MOB3B: variants seen among roughly 807,000 people sequenced by gnomAD.
MOB3B encodes the protein MOB kinase activator 3B.
A neutral mutation model predicts 18.7 loss-of-function variants in MOB3B; 7 were observed. That is an observed-to-expected ratio of 0.37 (90% confidence interval 0.21 to 0.70). MOB3B has a LOEUF of 0.70. MOB3B is among the 30% of genes least tolerant of loss of function. The probability of loss-of-function intolerance (pLI) is 0.52; values close to 1 mark genes in which losing one functional copy is unlikely to be tolerated. For synonymous variants in MOB3B, 111 were observed against 99.9 expected (o/e 1.11, Z -0.66); for missense variants, 253 against 281.3 (o/e 0.90, Z 0.72).
At chr9:27,391,161 G>A (rs571335698) in intron 2 of MOB3B, among the ~76,000 whole-genome samples, 43 of 152,202 alleles carry the variant, frequency 2.8e-4, no homozygotes, top group African/African-American at 9.7e-4. Context: ...TTTCTGAAAC[G>A]AGGTCTTGGG....
rs1449101645 is a variant in MOB3B at position 27,434,467 on chromosome 9, A to G, written c.418+20666T>C. On this transcript the variant is annotated intron_variant, in intron 2 of 3. Coordinates refer to ENST00000262244, the MANE Select transcript of MOB3B (RefSeq NM_024761.5). ...TTTTCTTTCTATGCTTTAACCCACA[A>G]GTGCTCTTAGCCACACCCATGACTT... Among the ~76,000 whole-genome samples the G allele has an allele frequency of 3.3e-5, 5 of 152,190 alleles. No individual in the cohort carries two copies. In the South Asian group the frequency reaches 8.3e-4, roughly 25 times the overall value.
chr9:27,420,365 T>C (rs1034708432), intron 2 of MOB3B, among the ~76,000 whole-genome samples: 1 of 151,874 alleles, frequency 6.6e-6, no homozygotes, highest in Non-Finnish European at 1.5e-5. Context: ...CACATGTTTA[T>C]AGCAGCACAA....
intron 2 of MOB3B, among the ~76,000 whole-genome samples, chr9:27,395,315 AC>A (rs1821783176): frequency 6.6e-6 from 1 of 152,232 alleles, no homozygotes; most frequent in African/African-American, 2.4e-5. Flanking sequence ...TGTTCTCACC[AC>A]AAAAAATGAT....
At chr9:27,363,465 T>C (rs894080594) in intron 2 of MOB3B, among the ~76,000 whole-genome samples, 14 of 151,930 alleles carry the variant, frequency 9.2e-5, no homozygotes, top group Non-Finnish European at 1.9e-4. Flanking sequence ...AGACGGGGTT[T>C]CACTGTGTTA....
intron 3 of MOB3B, among the ~76,000 whole-genome samples, chr9:27,357,918 A>AAAAAAAAAAAAAAAAAAAAAC (rs1821217447): frequency 8.0e-6 from 1 of 125,188 alleles, no homozygotes; most frequent in Non-Finnish European, 1.7e-5. Context: ...AAAAAAAAAA[A>AAAAAAAAAAAAAAAAAAAAAC]AAATAGCCAT....
chr9:27,416,543 A>ATTTT (rs1563863338), intron 2 of MOB3B, among the ~76,000 whole-genome samples: 1 of 74,318 alleles, frequency 1.3e-5, no homozygotes, highest in Non-Finnish European at 2.7e-5. Flanking sequence ...ATTTCTTTTT[A>ATTTT]ATTTTTTTTT....
intron 1 of MOB3B, among the ~76,000 whole-genome samples, chr9:27,520,740 C>A (rs193108265): frequency 1.3e-5 from 2 of 150,932 alleles, no homozygotes; most frequent in Admixed American, 1.3e-4. Context: ...TGTAACTCTG[C>A]AGGAGGAGGA....
At chr9:27,486,776 CAG>C (rs1819734585) in intron 1 of MOB3B, among the ~76,000 whole-genome samples, 1 of 152,136 alleles carries the variant, frequency 6.6e-6, no homozygotes, top group Non-Finnish European at 1.5e-5. Context: ...TGAATCTAAA[CAG>C]GAGTTAAAAC....
intron 2 of MOB3B, among the ~76,000 whole-genome samples, chr9:27,420,548 CATATATATATATATATAT>C (rs55684272): frequency 0.011 from 339 of 31,078 alleles, 12 homozygotes; most frequent in Middle Eastern, 0.053. Flanking sequence ...CTGTATATTC[CATATATATATATATATAT>C]ATATATATAT....
intron 3 of MOB3B, among the ~76,000 whole-genome samples, chr9:27,349,241 T>C (rs1303147807): frequency 6.6e-6 from 1 of 152,214 alleles, no homozygotes; most frequent in African/African-American, 2.4e-5. Flanking sequence ...TGTATAAAAT[T>C]GTTTCATAGG....
rs376119484 is a variant in MOB3B at position 27,452,015 on chromosome 9, G to A, written c.418+3118C>T. 6.8e-4 allele frequency among the ~76,000 whole-genome samples: 103 copies of A among 152,316 alleles called. 1 individual carries two copies. Among genetic ancestry groups the A allele is most frequent in the African/African-American group, 2.3e-3 (94 of 41,578 alleles). The stretch of plus-strand genomic sequence containing the variant: ...TGGACGGTGATGGTTTTTACTGACC[G>A]TAACATCTCACCTTGGAAAAGTTAA... On this transcript the variant is annotated intron_variant, in intron 2 of 3. Coordinates refer to ENST00000262244, the MANE Select transcript of MOB3B (RefSeq NM_024761.5).
intron 1 of MOB3B, among the ~76,000 whole-genome samples, chr9:27,479,438 A>G (rs1006533203): frequency 2.0e-5 from 3 of 152,226 alleles, no homozygotes; most frequent in African/African-American, 7.2e-5. Context: ...CATGAATTTT[A>G]GGAGACATAT....
At chr9:27,506,873 G>C (rs575255171) in intron 1 of MOB3B, among the ~76,000 whole-genome samples, 1 of 149,100 alleles carries the variant, frequency 6.7e-6, no homozygotes, top group African/African-American at 2.5e-5. Flanking sequence ...GTAGAGACGG[G>C]GTTTCACCAT....
intron 1 of MOB3B, among the ~76,000 whole-genome samples, chr9:27,494,927 A>G (rs1819874569): frequency 6.6e-6 from 1 of 152,170 alleles, no homozygotes; most frequent in Admixed American, 6.5e-5. Context: ...ATGATTCAAC[A>G]GGTCTGGTTC....
chr9:27,465,531 T>A (rs1481315610), intron 1 of MOB3B, among the ~76,000 whole-genome samples: 2 of 152,168 alleles, frequency 1.3e-5, no homozygotes, highest in East Asian at 3.9e-4. Context: ...ACGATGGCCC[T>A]CTTCTTACAG....
intron 3 of MOB3B, among the ~76,000 whole-genome samples, chr9:27,336,564 C>T (rs985484948): frequency 4.6e-5 from 7 of 152,130 alleles, no homozygotes; most frequent in Non-Finnish European, 7.3e-5. Flanking sequence ...TATACGTGAA[C>T]TCCTGCCCCT....
chr9:27,357,542 T>G (rs909595532), intron 3 of MOB3B, among the ~76,000 whole-genome samples: 7 of 152,040 alleles, frequency 4.6e-5, no homozygotes, highest in African/African-American at 1.7e-4. Context: ...TAGCCAACCC[T>G]AAACCTGCTT....
intron 2 of MOB3B, among the ~76,000 whole-genome samples, chr9:27,439,363 C>T (rs867089054): frequency 5.3e-5 from 8 of 152,166 alleles, no homozygotes; most frequent in African/African-American, 1.9e-4. Flanking sequence ...CTCTTCCTAG[C>T]CGGTGAGACT....
intron 2 of MOB3B, among the ~76,000 whole-genome samples, chr9:27,367,625 A>G (rs1453377339): frequency 2.0e-5 from 3 of 152,232 alleles, no homozygotes; most frequent in Non-Finnish European, 4.4e-5. Flanking sequence ...AATGAGAAGC[A>G]CAGCACCAGC....
Sources: gnomAD v4.1 joint callset for allele counts (sites outside exome capture counted in the v4.1 genomes callset) on GRCh38, gnomAD v4.1.1 for gene constraint, MANE v1.5 for transcripts, NCBI Gene and HGNC (gene_info 2026-07-23, HGNC 2026-07-21) for gene names.